The following CERKL variants were observed in gnomAD, a reference collection of about 807,000 sequenced individuals.
CERKL encodes the protein ceramide kinase-like protein.
A neutral mutation model predicts 63.4 loss-of-function variants in CERKL; 61 were observed. The ratio of observed to expected loss-of-function variants is 0.96; its 90% CI spans 0.78 to 1.19. CERKL has a LOEUF of 1.19. Ranked by LOEUF, CERKL falls within the 50% of genes most tolerant of loss-of-function variation. The pLI is 0.00. For synonymous variants in CERKL, 250 were observed against 230.5 expected (o/e 1.08, Z -0.77); for missense variants, 675 against 655.5 (o/e 1.03, Z -0.33).
intron 2 of CERKL, among the ~76,000 whole-genome samples, chr2:181,592,855 A>C (rs1559094312): frequency 6.6e-6 from 1 of 152,186 alleles, no homozygotes; most frequent in African/African-American, 2.4e-5. Context: ...ACACCAAGAA[A>C]TCATGATGAT....
chr2:181,615,231 G>A (rs1301735827), intron 1 of CERKL, among the ~76,000 whole-genome samples: 1 of 152,132 alleles, frequency 6.6e-6, no homozygotes, highest in Non-Finnish European at 1.5e-5. Context: ...AACCTCTCCT[G>A]GCAGGTTACC....
rs539373855 is a variant in CERKL, at chr2:181,629,767, A to T, written c.239-25688T>A. On this transcript the variant is annotated intron_variant, in intron 1 of 12. Transcript: ENST00000410087. The stretch of plus-strand genomic sequence containing the variant: ...TACTATTTCTCCTGTCCATATAACT[A>T]TTATTATTTGTGCTATATTTAGACT... 3.9e-5 allele frequency among the ~76,000 whole-genome samples: 6 copies of T among 152,126 alleles called. No homozygotes were observed. In the South Asian group the frequency reaches 1.0e-3, roughly 26 times the overall value.
At chr2:181,565,318 A>G (rs1688613532) in intron 4 of CERKL, 1 of 760,090 alleles carries the variant, frequency 1.3e-6, no homozygotes, top group Non-Finnish European at 2.3e-6. Flanking sequence ...CTACTCACGT[A>G]AAAAGAACTT....
chr2:181,604,862 T>TA (rs5836801), intron 1 of CERKL, among the ~76,000 whole-genome samples: 34,893 of 150,992 alleles, frequency 0.23, 7,480 homozygotes, highest in African/African-American at 0.57. Flanking sequence ...TAATCAGACT[T>TA]AAAAAAAAAT....
At chr2:181,542,267 G>A (rs1483165619) in intron 11 of CERKL, among the ~76,000 whole-genome samples, 1 of 152,110 alleles carries the variant, frequency 6.6e-6, no homozygotes, top group Admixed American at 6.5e-5. Context: ...GAGCCACTCC[G>A]CACATGGTGG....
At chr2:181,545,116 T>C (rs1053916560) in intron 10 of CERKL, among the ~76,000 whole-genome samples, 4 of 152,192 alleles carry the variant, frequency 2.6e-5, no homozygotes, top group African/African-American at 9.7e-5. Context: ...TAATTAGAAA[T>C]TCTAAATGTG....
chr2:181,537,665 C>CAGAATTATCTAGGTTAAA lies in CERKL; in HGVS notation c.*501_*518dup, dbSNP rs1196324805. On this transcript the variant is annotated 3_prime_UTR_variant, in exon 13 of 13. Coordinates refer to ENST00000410087, the MANE Select transcript of CERKL (RefSeq NM_201548.5). ...AAAAATGAAAGAATCCAAATTATTT[C>CAGAATTATCTAGGTTAAA]AGAATTATCTAGGTTAAATATTGAT... The CAGAATTATCTAGGTTAAA allele has an allele frequency of 2.3e-6, 1 of 434,296 alleles. No individual in the cohort carries two copies. Among genetic ancestry groups the CAGAATTATCTAGGTTAAA allele is most frequent in the Non-Finnish European group, 4.5e-6 (1 of 219,990 alleles). 26.9% of individuals were successfully genotyped at this position (434,296 alleles called of 1,614,324 possible).
At chr2:181,552,529 A>G (rs1688030989) in intron 5 of CERKL, among the ~76,000 whole-genome samples, 1 of 152,186 alleles carries the variant, frequency 6.6e-6, no homozygotes, top group Admixed American at 6.6e-5. Flanking sequence ...AGGCCTCCCC[A>G]GCCATGCTGA....
chr2:181,614,752 G>T (rs1291289605), intron 1 of CERKL, among the ~76,000 whole-genome samples: 4 of 151,820 alleles, frequency 2.6e-5, no homozygotes, highest in Middle Eastern at 3.4e-3. Flanking sequence ...TAGTAAAAGA[G>T]GAGTTAAAAA....
At chr2:181,653,236 A>G (rs971504401) in intron 1 of CERKL, among the ~76,000 whole-genome samples, 3 of 152,224 alleles carry the variant, frequency 2.0e-5, no homozygotes, top group Admixed American at 6.5e-5. Context: ...TAGAATGGCT[A>G]TTGCCAAAAA....
At chr2:181,577,773 G>A (rs991873780) in intron 2 of CERKL, among the ~76,000 whole-genome samples, 7 of 152,070 alleles carry the variant, frequency 4.6e-5, no homozygotes, top group African/African-American at 1.7e-4. Flanking sequence ...CAGCAGTTAT[G>A]GTTGGCGAGT....
intron 1 of CERKL, among the ~76,000 whole-genome samples, chr2:181,651,582 T>C (rs959165631): frequency 6.6e-6 from 1 of 152,084 alleles, no homozygotes; most frequent in East Asian, 1.9e-4. Context: ...AAAAGACCAA[T>C]AACGAGATCA....
chr2:181,565,978 T>A, intron 4 of CERKL, 80 bp downstream of exon 4: 2 of 938,734 alleles, frequency 2.1e-6, no homozygotes, highest in Non-Finnish European at 3.4e-6. Flanking sequence ...AAATGTTAGG[T>A]TCCAAATATG....
At chr2:181,547,544 A>G in intron 10 of CERKL, 74 bp downstream of exon 10, 1 of 1,150,268 alleles carries the variant, frequency 8.7e-7, no homozygotes, top group Non-Finnish European at 1.3e-6. Flanking sequence ...GCTAACCAAC[A>G]GTTAATTGGA....
intron 1 of CERKL, among the ~76,000 whole-genome samples, chr2:181,630,842 A>G (rs1163870049): frequency 6.6e-6 from 1 of 152,216 alleles, no homozygotes; most frequent in African/African-American, 2.4e-5. Context: ...AATTTTCTTC[A>G]AAGGGTGACC....
At chr2:181,654,320 T>C (rs1255233429) in intron 1 of CERKL, among the ~76,000 whole-genome samples, 1 of 152,224 alleles carries the variant, frequency 6.6e-6, no homozygotes, top group African/African-American at 2.4e-5. Context: ...ATTACTACGG[T>C]TATGCTCATT....
chr2:181,556,080 G>C (rs1194703705), intron 5 of CERKL, among the ~76,000 whole-genome samples: 1 of 151,836 alleles, frequency 6.6e-6, no homozygotes, highest in East Asian at 1.9e-4. Context: ...GTGTAATCAA[G>C]ACTAATAAAG....
intron 2 of CERKL, among the ~76,000 whole-genome samples, chr2:181,591,767 T>C (rs994886589): frequency 2.6e-5 from 4 of 152,310 alleles, no homozygotes; most frequent in South Asian, 4.1e-4. Context: ...TATAAACTTA[T>C]GATTTCTAAT....
At chr2:181,567,145 C>T (rs986422336) in intron 3 of CERKL, among the ~76,000 whole-genome samples, 19 of 152,066 alleles carry the variant, frequency 1.2e-4, no homozygotes. Context: ...TTAACACTCA[C>T]ATGAATAAAA....
Sources: gnomAD v4.1 joint callset for allele counts (sites outside exome capture counted in the v4.1 genomes callset) on GRCh38, gnomAD v4.1.1 for gene constraint, MANE v1.5 for transcripts, NCBI Gene and HGNC (gene_info 2026-07-23, HGNC 2026-07-21) for gene names.